The following SGCG variants were observed in gnomAD, a reference collection of about 807,000 sequenced individuals.
SGCG encodes the protein gamma-sarcoglycan.
Under a neutral mutation model 29.3 loss-of-function variants are expected in SGCG, and 26 were observed. The observed-to-expected ratio is 0.89, with a 90% confidence interval of 0.65 to 1.23. The LOEUF (loss-of-function observed/expected upper bound fraction) is 1.23. SGCG is among the 50% of genes most tolerant of loss of function. The pLI, the probability that SGCG is intolerant of heterozygous loss-of-function variation, is 0.00. For synonymous variants in SGCG, 145 were observed against 129.7 expected (o/e 1.12, Z -0.80); for missense variants, 353 against 356.0 (o/e 0.99, Z 0.07).
At chr13:23,204,429 G>T (rs1243089529) in intron 2 of SGCG, among the ~76,000 whole-genome samples, 1 of 151,962 alleles carries the variant, frequency 6.6e-6, no homozygotes, top group African/African-American at 2.4e-5. Context: ...TGTATTCTTT[G>T]ATAATATTTT....
chr13:23,298,987 T>C (rs2137650850), intron 6 of SGCG, among the ~76,000 whole-genome samples: 1 of 152,332 alleles, frequency 6.6e-6, no homozygotes, highest in South Asian at 2.1e-4. Context: ...AGGTGGGAAC[T>C]AACATTCACT....
intron 6 of SGCG, among the ~76,000 whole-genome samples, chr13:23,309,090 G>T (rs891815111): frequency 4.0e-4 from 61 of 152,022 alleles, no homozygotes; most frequent in African/African-American, 1.5e-3. Context: ...TTACCAGGGT[G>T]TTTATAGTTT....
chr13:23,290,503 T>C (rs1881659974), intron 5 of SGCG, among the ~76,000 whole-genome samples: 1 of 152,164 alleles, frequency 6.6e-6, no homozygotes, highest in Non-Finnish European at 1.5e-5. Context: ...AAATTGTCAT[T>C]GGATTTATTA....
chr13:23,174,640 G>A, the SGCG span, among the ~76,000 whole-genome samples: 2 of 152,124 alleles, frequency 1.3e-5, no homozygotes, highest in Admixed American at 6.5e-5. Flanking sequence ...AACAATAAAA[G>A]CTGTGTGGGA....
At chr13:23,238,992 T>A (rs1389092899) in intron 3 of SGCG, among the ~76,000 whole-genome samples, 1 of 152,042 alleles carries the variant, frequency 6.6e-6, no homozygotes, top group African/African-American at 2.4e-5. Context: ...GTCAAGGGGC[T>A]TTATGTATGT....
intron 6 of SGCG, among the ~76,000 whole-genome samples, chr13:23,304,726 C>T (rs1201897839): frequency 6.6e-6 from 1 of 152,134 alleles, no homozygotes; most frequent in Non-Finnish European, 1.5e-5. Flanking sequence ...GCCTCAGCCT[C>T]CTGAGTAGCT....
At chr13:23,236,566 T>C (rs1402215697) in intron 3 of SGCG, among the ~76,000 whole-genome samples, 1 of 151,942 alleles carries the variant, frequency 6.6e-6, no homozygotes, top group Non-Finnish European at 1.5e-5. Context: ...TAGTCCCAGC[T>C]ACTTGGGAGG....
intron 5 of SGCG, among the ~76,000 whole-genome samples, chr13:23,290,263 C>T (rs1251719258): frequency 6.6e-6 from 1 of 152,122 alleles, no homozygotes; most frequent in African/African-American, 2.4e-5. Context: ...AGCTATTGGG[C>T]ATGTGAGTTA....
chr13:23,229,234 T>C (rs990772693), intron 2 of SGCG, among the ~76,000 whole-genome samples: 8 of 152,214 alleles, frequency 5.3e-5, no homozygotes, highest in Non-Finnish European at 1.0e-4. Context: ...GTCTTTGCTA[T>C]TGTGAATAGT....
At chr13:23,310,905 A>G (rs1274172317) in intron 6 of SGCG, among the ~76,000 whole-genome samples, 1 of 152,144 alleles carries the variant, frequency 6.6e-6, no homozygotes, top group African/African-American at 2.4e-5. Context: ...TTGTGGTTTT[A>G]TTTCAGCATT....
intron 1 of SGCG, among the ~76,000 whole-genome samples, chr13:23,194,576 G>T (rs7324419): frequency 0.46 from 69,889 of 151,988 alleles, 16,223 homozygotes; most frequent in Admixed American, 0.51. Context: ...GCAGTGTTAG[G>T]TCCATTAACT....
At chr13:23,225,894 A>G (rs1173656268) in intron 2 of SGCG, among the ~76,000 whole-genome samples, 2 of 152,100 alleles carry the variant, frequency 1.3e-5, no homozygotes, top group African/African-American at 4.8e-5. Context: ...TTTCTGTTCA[A>G]TATCACAGGG....
intron 7 of SGCG, among the ~76,000 whole-genome samples, chr13:23,321,877 T>C (rs917471463): frequency 6.6e-6 from 1 of 151,114 alleles, no homozygotes; most frequent in Admixed American, 6.6e-5. Flanking sequence ...CACACAGTGC[T>C]CAATACTGAT....
chr13:23,233,180 G>A (rs1387741633), intron 2 of SGCG, among the ~76,000 whole-genome samples: 1 of 152,080 alleles, frequency 6.6e-6, no homozygotes, highest in Non-Finnish European at 1.5e-5. Flanking sequence ...CAATCAATGG[G>A]ATGAGTGGAT....
chr13:23,320,383 G>C (rs1397080945), intron 6 of SGCG, among the ~76,000 whole-genome samples: 2 of 152,140 alleles, frequency 1.3e-5, no homozygotes, highest in Admixed American at 1.3e-4. Context: ...CATGGGATTA[G>C]GACTGCCTAA....
chr13:23,319,620 C>T (rs1408151912), intron 6 of SGCG, among the ~76,000 whole-genome samples: 3 of 152,194 alleles, frequency 2.0e-5, no homozygotes, highest in Non-Finnish European at 2.9e-5. Flanking sequence ...CAGGGTACTT[C>T]TCTCTTAAGC....
intron 4 of SGCG, among the ~76,000 whole-genome samples, chr13:23,252,853 T>C (rs544196430): frequency 1.3e-5 from 2 of 152,214 alleles, no homozygotes; most frequent in South Asian, 2.1e-4. Context: ...ACTGAAGGAC[T>C]AAAAAGCAGA....
At chr13:23,249,839 A>G (rs1879893025) in intron 3 of SGCG, among the ~76,000 whole-genome samples, 1 of 152,212 alleles carries the variant, frequency 6.6e-6, no homozygotes, top group Admixed American at 6.5e-5. Context: ...ATATTTCTTA[A>G]TAGGAAAATA....
chr13:23,235,340 CAA>C (rs1347764102), intron 3 of SGCG, among the ~76,000 whole-genome samples: 1 of 144,430 alleles, frequency 6.9e-6, no homozygotes, highest in Non-Finnish European at 1.5e-5. Flanking sequence ...GCCTGGGCAA[CAA>C]GAGCAAAACT....
Sources: gnomAD v4.1 joint callset for allele counts (sites outside exome capture counted in the v4.1 genomes callset) on GRCh38, gnomAD v4.1.1 for gene constraint, MANE v1.5 for transcripts, NCBI Gene and HGNC (gene_info 2026-07-23, HGNC 2026-07-21) for gene names.